DAB1: variants seen among roughly 807,000 people sequenced by gnomAD.
DAB1 encodes disabled homolog 1.
DAB1 carries 15 observed loss-of-function variants against 64.6 expected under a neutral mutation model. That is an observed-to-expected ratio of 0.23 (90% CI 0.16 to 0.36). The LOEUF is 0.36. DAB1 is among the 10% of genes least tolerant of loss of function. The probability of loss-of-function intolerance (pLI) is 1.00; values close to 1 mark genes in which losing one functional copy is unlikely to be tolerated. For missense variants in DAB1, 596 were observed against 706.7 expected, an observed-to-expected ratio of 0.84 and a Z score of 1.78; for synonymous variants, 235 against 251.9, an observed-to-expected ratio of 0.93 and a Z score of 0.64.
At chr1:58,058,683 A>G (rs956458138) in intron 5 of DAB1, among the ~76,000 whole-genome samples, 3 of 152,202 alleles carry the variant, frequency 2.0e-5, no homozygotes, top group Non-Finnish European at 4.4e-5. Context: ...CTTCTTGGAT[A>G]AGCAAAATCT....
chr1:57,211,159 C>G (rs990519058), intron 2 of DAB1, among the ~76,000 whole-genome samples: 2 of 152,140 alleles, frequency 1.3e-5, no homozygotes, highest in African/African-American at 4.8e-5. Flanking sequence ...GACAGCGAAG[C>G]AAAATGATGC....
intron 1 of DAB1, among the ~76,000 whole-genome samples, chr1:57,309,920 T>TG (rs1258235381): frequency 6.6e-6 from 1 of 151,994 alleles, no homozygotes; most frequent in East Asian, 1.9e-4. Context: ...ATCAATCACA[T>TG]GGGGGGATGC....
intron 4 of DAB1, among the ~76,000 whole-genome samples, chr1:57,080,922 A>G (rs1178793302): frequency 2.0e-5 from 3 of 152,152 alleles, no homozygotes; most frequent in African/African-American, 7.2e-5. Flanking sequence ...ACTCACATTC[A>G]TTCCCCAAAA....
At chr1:57,594,825 C>T (rs1645487014) in intron 7 of DAB1, among the ~76,000 whole-genome samples, 1 of 152,172 alleles carries the variant, frequency 6.6e-6, no homozygotes, top group Non-Finnish European at 1.5e-5. Flanking sequence ...ATTCTCCTGC[C>T]TCAGCCTCCC....
chr1:58,375,017 T>C lies in DAB1; in HGVS notation n.258-31614A>G, dbSNP rs942599533. The stretch of plus-strand genomic sequence containing the variant: ...GGTGTATAGGAATGCTTGTGATTTT[T>C]GTACATTGATTTTGTATCCTGAGAC... On this transcript the variant is annotated intron_variant and non_coding_transcript_variant, in intron 3 of 20. Coordinates refer to the DAB1 transcript ENST00000485760. Among the ~76,000 whole-genome samples, 748 of 139,470 alleles carry C rather than the reference T, an allele frequency of 5.4e-3. 19 individuals carry two copies. Among genetic ancestry groups the C allele is most frequent in the Admixed American group, 0.015 (206 of 13,974 alleles). 91.5% of individuals were successfully genotyped at this position (139,470 alleles called of 152,430 possible).
chr1:58,144,409 TAC>T (rs1361381121), intron 5 of DAB1, among the ~76,000 whole-genome samples: 1 of 152,230 alleles, frequency 6.6e-6, no homozygotes, highest in Non-Finnish European at 1.5e-5. Context: ...TACAGTGCTT[TAC>T]AGTTTAGAAA....
chr1:57,339,871 G>T (rs1677427973), intron 1 of DAB1, among the ~76,000 whole-genome samples: 1 of 152,186 alleles, frequency 6.6e-6, no homozygotes. Flanking sequence ...TAATGTTTCA[G>T]CAATAGATAT....
At chr1:57,543,513 A>AT (rs964593427) in intron 7 of DAB1, among the ~76,000 whole-genome samples, 3 of 152,146 alleles carry the variant, frequency 2.0e-5, no homozygotes, top group Non-Finnish European at 2.9e-5. Flanking sequence ...ACCTGCCCTC[A>AT]TTTTTTTATT....
intron 4 of DAB1, among the ~76,000 whole-genome samples, chr1:58,281,127 AATG>A (rs1661553386): frequency 6.6e-6 from 1 of 152,236 alleles, no homozygotes; most frequent in Non-Finnish European, 1.5e-5. Context: ...GAAGGACAGT[AATG>A]ATACAAGTAG....
At chr1:58,527,397 A>C in intron 1 of DAB1, 1 of 814,440 alleles carries the variant, frequency 1.2e-6, no homozygotes, top group South Asian at 1.4e-5. Context: ...AAGGAGTAAC[A>C]CAGAGAGATT....
chr1:57,235,675 G>T (rs189129810), intron 2 of DAB1, among the ~76,000 whole-genome samples: 1 of 149,590 alleles, frequency 6.7e-6, no homozygotes, highest in African/African-American at 2.4e-5. Flanking sequence ...ATCTGTCTCT[G>T]TCTCTAGTCC....
At chr1:58,063,656 A>G (rs1018987599) in intron 5 of DAB1, among the ~76,000 whole-genome samples, 1 of 152,208 alleles carries the variant, frequency 6.6e-6, no homozygotes, top group African/African-American at 2.4e-5. Context: ...AAATGGGCAT[A>G]TTCACAACAA....
intron 1 of DAB1, among the ~76,000 whole-genome samples, chr1:57,826,851 T>C (rs1177779267): frequency 2.6e-5 from 4 of 152,220 alleles, no homozygotes; most frequent in African/African-American, 9.6e-5. Context: ...CATTCCTTCT[T>C]ATTCACATAG....
At chr1:57,230,264 G>A (rs1415967923) in intron 2 of DAB1, among the ~76,000 whole-genome samples, 1 of 150,166 alleles carries the variant, frequency 6.7e-6, no homozygotes, top group Non-Finnish European at 1.5e-5. Context: ...TTCAACATTG[G>A]CGATGTGCAA....
At chr1:58,401,371 T>A (rs1036036178) in intron 3 of DAB1, among the ~76,000 whole-genome samples, 1 of 152,096 alleles carries the variant, frequency 6.6e-6, no homozygotes, top group Non-Finnish European at 1.5e-5. Context: ...GGGATAGGAG[T>A]GGAAGATACC....
intron 4 of DAB1, among the ~76,000 whole-genome samples, chr1:58,207,607 TA>T (rs1202111120): frequency 6.6e-6 from 1 of 152,214 alleles, no homozygotes. Context: ...CTGGTTTTAA[TA>T]CTGGAAGCCC....
At chr1:57,161,914 TTA>T (rs1368778773) in intron 2 of DAB1, among the ~76,000 whole-genome samples, 6 of 152,196 alleles carry the variant, frequency 3.9e-5, no homozygotes, top group African/African-American at 7.2e-5. Flanking sequence ...GCAGCGTAAA[TTA>T]TATATGTTTT....
intron 5 of DAB1, among the ~76,000 whole-genome samples, chr1:57,934,104 T>TGTGTGTG (rs1557563966): frequency 5.3e-4 from 80 of 149,706 alleles, no homozygotes; most frequent in Middle Eastern, 6.9e-3. Context: ...TGTGTGTGTG[T>TGTGTGTG]TTAGTAGAGA....
chr1:58,267,545 G>C (rs1661200118), intron 4 of DAB1, among the ~76,000 whole-genome samples: 2 of 152,132 alleles, frequency 1.3e-5, no homozygotes, highest in Non-Finnish European at 2.9e-5. Flanking sequence ...GGCCTACCTT[G>C]GGCCTAGCTT....
Sources: allele counts gnomAD v4.1 joint callset (sites outside exome capture counted in the v4.1 genomes callset), GRCh38; gene constraint gnomAD v4.1.1; transcripts MANE v1.5; gene names NCBI Gene and HGNC (gene_info 2026-07-23, HGNC 2026-07-21).